PPFIA2: variants seen among roughly 807,000 people sequenced by gnomAD.
The protein encoded by PPFIA2 is liprin-alpha-2.
Under a neutral mutation model 175.5 loss-of-function variants are expected in PPFIA2, and 46 were observed. The observed-to-expected ratio is 0.26, with a 90% confidence interval of 0.21 to 0.34. The LOEUF (loss-of-function observed/expected upper bound fraction) is 0.34, where lower values mean the gene tolerates loss of function less well. PPFIA2 is among the 10% of genes least tolerant of loss of function. The probability of loss-of-function intolerance (pLI) is 1.00; values close to 1 mark genes in which losing one functional copy is unlikely to be tolerated. For missense variants in PPFIA2, 1,179 were observed against 1,506.1 expected, an observed-to-expected ratio of 0.78 and a Z score of 3.60; for synonymous variants, 568 against 511.4, an observed-to-expected ratio of 1.11 and a Z score of -1.49.
intron 4 of PPFIA2, among the ~76,000 whole-genome samples, chr12:81,576,297 G>A (rs1041233479): frequency 6.6e-6 from 1 of 151,756 alleles, no homozygotes; most frequent in African/African-American, 2.4e-5. Context: ...TAGCCAGATG[G>A]AGTGAGGAAG....
intron 4 of PPFIA2, among the ~76,000 whole-genome samples, chr12:81,553,020 AT>A (rs144772991): frequency 0.024 from 3,651 of 151,522 alleles, 136 homozygotes; most frequent in African/African-American, 0.08. Flanking sequence ...TCAAAGACCG[AT>A]TTTTTTTTCC....
chr12:81,693,822 G>C (rs568495632), intron 3 of PPFIA2, among the ~76,000 whole-genome samples: 54 of 152,242 alleles, frequency 3.5e-4, no homozygotes, highest in African/African-American at 1.3e-3. Context: ...CAAGGTCTTA[G>C]ATGGAAATGA....
chr12:81,411,768 C>T (rs1189917091), intron 7 of PPFIA2, among the ~76,000 whole-genome samples: 2 of 151,978 alleles, frequency 1.3e-5, no homozygotes, highest in Non-Finnish European at 2.9e-5. Context: ...GGCAGAAATC[C>T]TTCCTAATGG....
At chr12:81,551,867 T>TG (rs1458529746) in intron 4 of PPFIA2, among the ~76,000 whole-genome samples, 1 of 151,900 alleles carries the variant, frequency 6.6e-6, no homozygotes, top group Non-Finnish European at 1.5e-5. Context: ...AAGGTGATAC[T>TG]GTGGAATCTT....
chr12:81,299,360 G>T lies in PPFIA2; in HGVS notation c.2665C>A (p.Arg889=). The T allele has an allele frequency of 2.5e-6, 4 of 1,591,358 alleles. No homozygotes were observed. The highest frequency in any genetic ancestry group is 3.4e-6 in the Non-Finnish European group (4 of 1,167,918). The change falls in exon 23 of 33, where the codon CGG becomes AGG. Residue 889 remains arginine, a synonymous_variant. Transcript: ENST00000549396. The part of the protein sequence containing the change: ...KKKHELLEEA[R]RKGLPFAQWD... ...TGGGCAAAAGGTAATCCCTTTCTCC[G>T]AGCTTCTTCAAGAAGTTCATGCCTG...
intron 4 of PPFIA2, among the ~76,000 whole-genome samples, chr12:81,521,514 A>G (rs1489512285): frequency 6.6e-6 from 1 of 152,186 alleles, no homozygotes; most frequent in Non-Finnish European, 1.5e-5. Context: ...AAGTAATGTC[A>G]TCCAAAGGAA....
At chr12:81,609,233 T>C (rs2060644465) in intron 4 of PPFIA2, among the ~76,000 whole-genome samples, 1 of 152,144 alleles carries the variant, frequency 6.6e-6, no homozygotes, top group Non-Finnish European at 1.5e-5. Flanking sequence ...TGTGTGCAGA[T>C]GAGAATAATG....
chr12:81,506,385 T>C (rs1435639143), intron 4 of PPFIA2, among the ~76,000 whole-genome samples: 1 of 152,226 alleles, frequency 6.6e-6, no homozygotes, highest in Non-Finnish European at 1.5e-5. Flanking sequence ...GATAGCACTT[T>C]ATACATAACT....
intron 11 of PPFIA2, among the ~76,000 whole-genome samples, chr12:81,369,983 A>G (rs557051312): frequency 6.6e-6 from 1 of 151,964 alleles, no homozygotes; most frequent in Non-Finnish European, 1.5e-5. Context: ...AAAGACTACT[A>G]CAGAATGAAT....
chr12:81,453,098 A>C, intron 5 of PPFIA2, among the ~76,000 whole-genome samples: 1 of 148,358 alleles, frequency 6.7e-6, no homozygotes, highest in African/African-American at 2.5e-5. Flanking sequence ...GCACCCACTA[A>C]CTCGTCATCT....
chr12:81,313,361 TA>T (rs1168048362), intron 22 of PPFIA2, among the ~76,000 whole-genome samples: 2 of 152,106 alleles, frequency 1.3e-5, no homozygotes, highest in African/African-American at 2.4e-5. Context: ...ACAATTATTA[TA>T]AAGAAAAGAT....
rs895884338 is a variant in PPFIA2, at chr12:81,515,238, G to A, written c.304-57372C>T. On this transcript the variant is annotated intron_variant, in intron 4 of 32. Coordinates refer to ENST00000549396, the MANE Select transcript of PPFIA2 (RefSeq NM_003625.5). The stretch of plus-strand genomic sequence containing the variant: ...TAATTCAAGTAATGGGGGGTACAAG[G>A]TTACCCCTTTCTTTCCTACCAGCTA... 5.3e-5 allele frequency among the ~76,000 whole-genome samples: 8 copies of A among 152,014 alleles called. No homozygotes were observed. In the South Asian group the frequency reaches 1.0e-3, roughly 20 times the overall value.
intron 4 of PPFIA2, among the ~76,000 whole-genome samples, chr12:81,459,476 A>C (rs1202373626): frequency 1.3e-5 from 2 of 152,256 alleles, no homozygotes; most frequent in South Asian, 2.1e-4. Flanking sequence ...TAATTATAAA[A>C]AATTTATTCA....
intron 4 of PPFIA2, among the ~76,000 whole-genome samples, chr12:81,608,229 C>T (rs2060528698): frequency 6.6e-6 from 1 of 152,128 alleles, no homozygotes; most frequent in Admixed American, 6.5e-5. Flanking sequence ...CAACTATGAT[C>T]ATAAGGGATA....
At chr12:81,311,216 C>T (rs2050692570) in intron 22 of PPFIA2, among the ~76,000 whole-genome samples, 1 of 152,080 alleles carries the variant, frequency 6.6e-6, no homozygotes, top group African/African-American at 2.4e-5. Context: ...AAATTTGAAG[C>T]CATTATCTGA....
At chr12:81,386,302 A>ATAC (rs2038928704) in intron 8 of PPFIA2, among the ~76,000 whole-genome samples, 2 of 149,850 alleles carry the variant, frequency 1.3e-5, no homozygotes, top group Non-Finnish European at 3.0e-5. Flanking sequence ...TAAATAAATA[A>ATAC]ATAAATAAAT....
chr12:81,406,566 A>G (rs1271342554), intron 7 of PPFIA2, among the ~76,000 whole-genome samples: 3 of 152,130 alleles, frequency 2.0e-5, no homozygotes, highest in East Asian at 1.9e-4. Flanking sequence ...ATTTCAATTA[A>G]AAAACAAATT....
intron 4 of PPFIA2, among the ~76,000 whole-genome samples, chr12:81,496,208 G>A (rs1308688869): frequency 3.3e-5 from 5 of 152,094 alleles, no homozygotes; most frequent in Non-Finnish European, 7.3e-5. Flanking sequence ...ATATGAGAAA[G>A]GTGAATCAAC....
At chr12:81,673,029 G>C (rs549225648) in intron 4 of PPFIA2, among the ~76,000 whole-genome samples, 1 of 152,132 alleles carries the variant, frequency 6.6e-6, no homozygotes, top group African/African-American at 2.4e-5. Flanking sequence ...CTCTGCTTGA[G>C]TCTGTTATCA....
Sources: gnomAD v4.1 joint callset for allele counts (sites outside exome capture counted in the v4.1 genomes callset) on GRCh38, gnomAD v4.1.1 for gene constraint, MANE v1.5 for transcripts, NCBI Gene and HGNC (gene_info 2026-07-23, HGNC 2026-07-21) for gene names.